Variants in SAMD14 observed in about 807,000 individuals in gnomAD.
The protein encoded by SAMD14 is sterile alpha motif domain-containing protein 14.
SAMD14 carries 27 observed loss-of-function variants against 46.2 expected under a neutral mutation model. The ratio of observed to expected loss-of-function variants is 0.58; its 90% CI spans 0.43 to 0.81. SAMD14 has a LOEUF of 0.81. Among genes scored for constraint, SAMD14 ranks in the 30% least tolerant of loss-of-function variants. SAMD14 has a pLI of 0.00. For missense variants in SAMD14, 559 were observed against 582.2 expected (o/e 0.96, Z 0.41); for synonymous variants, 241 against 254.3 (o/e 0.95, Z 0.50).
In SAMD14 at chr17:50,115,591, G is replaced by T. The variant is rs147739171; in HGVS notation, c.795C>A (p.Gly265=). 341 of 1,573,634 alleles carry T rather than the reference G, an allele frequency of 2.2e-4. 1 individual carries two copies. The East Asian group carries it at 4.5e-3, about 21-fold the overall frequency. The stretch of plus-strand genomic sequence containing the variant: ...GGGAAGCTGACTTCTTAGGGCTGAA[G>T]CCCTCGTGTTTAGGGGAGCAGGTGG... ...TSPTCSPKHE[G]FSPKKSASQE... The change falls in exon 7 of 10, where the codon GGC becomes GGA. Residue 265 remains glycine (G), a synonymous_variant. Transcript: ENST00000330175. This position sits in a 1 kb window ranked among gnomAD's most constrained non-coding sequence, Gnocchi z 5.3.
At chr17:50,123,792 AG>A (rs1458348850) in intron 2 of SAMD14, among the ~76,000 whole-genome samples, 1 of 152,116 alleles carries the variant, frequency 6.6e-6, no homozygotes, top group Non-Finnish European at 1.5e-5. Context: ...TGAGGAAAAC[AG>A]GCAGGGGTTG....
rs1372667314 is a variant in SAMD14 at position 50,117,464 on chromosome 17, A to C, written c.442T>G (p.Ser148Ala). The change falls in exon 4 of 10, where the codon TCC becomes GCC. Residue 148 changes from serine (S) to alanine (A), a missense_variant. Transcript: ENST00000330175. ...SCSPPRSAPS[S>A]DSSPSFVRRH... The stretch of plus-strand genomic sequence containing the variant: ...CGCACGAAGCTGGGGGAGCTGTCGG[A>C]GGAGGGCGCGGAGCGCGGCGGAGAG... 4 of 1,388,092 alleles carry C rather than the reference A, an allele frequency of 2.9e-6. No individual in the cohort carries two copies. The highest frequency in any genetic ancestry group is 3.0e-5 in the African/African-American group (2 of 66,574). The allele number at this position is 1,388,092 out of a possible 1,614,324, so 86.0% of individuals were successfully genotyped here.
chr17:50,125,990 T>G (rs1273126057), intron 1 of SAMD14, among the ~76,000 whole-genome samples: 1 of 152,086 alleles, frequency 6.6e-6, no homozygotes, highest in East Asian at 1.9e-4. Context: ...TGAAACCATT[T>G]GAATAGGCTT....
chr17:50,124,771 G>GCACGCACACACACACACACACA (rs1555563138), intron 2 of SAMD14, 146 bp downstream of exon 2: 1 of 500,056 alleles, frequency 2.0e-6, no homozygotes, highest in African/African-American at 2.1e-5. Context: ...ACGCGCGCGC[G>GCACGCACACACACACACACACA]CACACACACA....
rs1266393698 is a variant in SAMD14 at position 50,118,233 on chromosome 17, T to A, written c.138A>T (p.Pro46=). 1 of 1,613,824 alleles carries A rather than the reference T, an allele frequency of 6.2e-7. No individual in the cohort carries two copies. The highest frequency in any genetic ancestry group is 8.5e-7 in the Non-Finnish European group (1 of 1,179,882). The change falls in exon 3 of 10, where the codon CCA becomes CCT. Residue 46 remains proline (P), a synonymous_variant. Coordinates refer to ENST00000330175, the MANE Select transcript of SAMD14 (RefSeq NM_001257359.2). ...QLLAKGRRHR[P]SRSRLRDSAS... is the part of the protein sequence containing the mutation. The stretch of plus-strand genomic sequence containing the variant: ...CACTGTCCCGAAGCCTGGAGCGGGA[T>A]GGCCGGTGTCTCCGGCCCTTGGCCA...
At chr17:50,128,791 C>T (rs915317216) in intron 1 of SAMD14, among the ~76,000 whole-genome samples, 5 of 152,094 alleles carry the variant, frequency 3.3e-5, no homozygotes, top group African/African-American at 1.2e-4. Context: ...GGAGAGTCCA[C>T]AGGGCTGCTG....
rs1357825361 is a variant in SAMD14 at position 50,111,808 on chromosome 17, A to C, written c.*1085T>G. Reference sequence around the variant, plus strand: ...CAGGCTGCTGGTAAACTCCACCCCCATCCAGGGAGCTGGCCCCAGCCCTCA... The same window carrying C: ...CAGGCTGCTGGTAAACTCCACCCCCCTCCAGGGAGCTGGCCCCAGCCCTCA... On this transcript the variant is annotated 3_prime_UTR_variant, in exon 10 of 10. Transcript: ENST00000330175. 1.3e-5 allele frequency: 2 copies of C among 152,138 alleles called. No homozygotes were observed. The highest frequency in any genetic ancestry group is 2.9e-5 in the Non-Finnish European group (2 of 68,086). The allele number at this position is 152,138 out of a possible 1,614,324, so 9.4% of individuals were successfully genotyped here. A position where few individuals can be genotyped will look rare whatever the true frequency, so the allele number is the denominator to read the frequency against.
chr17:50,124,198 T>C, intron 2 of SAMD14: 1 of 456,150 alleles, frequency 2.2e-6, no homozygotes, highest in Non-Finnish European at 4.4e-6. Context: ...TCTGCCCAGC[T>C]GGGGTGGTTT....
chr17:50,128,294 C>G (rs986056350), intron 1 of SAMD14, among the ~76,000 whole-genome samples: 13 of 152,142 alleles, frequency 8.5e-5, no homozygotes, highest in Non-Finnish European at 1.5e-4. Flanking sequence ...TGATTCAGCA[C>G]AAACTGCTCT....
chr17:50,118,402 C>G lies in SAMD14; in HGVS notation c.44-75G>C, dbSNP rs1911350658. 28 of 1,513,954 alleles carry G rather than the reference C, an allele frequency of 1.8e-5. No homozygotes were observed. The South Asian group carries it at 2.9e-4, about 16-fold the overall frequency. The allele number at this position is 1,513,954 out of a possible 1,614,324, so 93.8% of individuals were successfully genotyped here. A position where few individuals can be genotyped will look rare whatever the true frequency, so the allele number is the denominator to read the frequency against. On this transcript the variant is annotated intron_variant, in intron 2 of 9. Transcript: ENST00000330175. ...CAAGCCCAGAGGCCCACCTCAGGGG[C>G]CACCTGCACCCACACCCCAGGCATT...
At chr17:50,114,969 T>G (rs1450854874) in intron 7 of SAMD14, 1 of 154,418 alleles carries the variant, frequency 6.5e-6, no homozygotes. Context: ...CTCTGGGCCT[T>G]CCTTTGCTCA....
intron 4 of SAMD14, chr17:50,116,397 C>T: frequency 4.9e-6 from 1 of 205,654 alleles, no homozygotes; most frequent in East Asian, 1.2e-4. Flanking sequence ...TTATCCTGGC[C>T]AACTTTTTTT....
intron 2 of SAMD14, among the ~76,000 whole-genome samples, chr17:50,118,965 A>G (rs1911377975): frequency 6.6e-6 from 1 of 152,352 alleles, no homozygotes; most frequent in Admixed American, 6.5e-5. Flanking sequence ...ATGGTCCAGG[A>G]TTTGAGCCTG....
At chr17:50,121,010 C>G (rs1053421612) in intron 2 of SAMD14, among the ~76,000 whole-genome samples, 2 of 152,250 alleles carry the variant, frequency 1.3e-5, no homozygotes, top group African/African-American at 2.4e-5. Flanking sequence ...CAGGTTTCTG[C>G]TTTGTTCACT....
At chr17:50,127,658 A>G (rs546284493) in intron 1 of SAMD14, among the ~76,000 whole-genome samples, 7 of 152,096 alleles carry the variant, frequency 4.6e-5, no homozygotes, top group Non-Finnish European at 1.0e-4. Flanking sequence ...CTGGGGCTGA[A>G]AGCAGAAAAT....
At position 50,112,729 on chromosome 17, in the gene SAMD14, C is replaced by T; in HGVS notation, c.*164G>A. The T allele has an allele frequency of 1.3e-6, 1 of 780,716 alleles. No homozygotes were observed. Among genetic ancestry groups the T allele is most frequent in the Non-Finnish European group, 2.0e-6 (1 of 509,822 alleles). 48.4% of individuals were successfully genotyped at this position (780,716 alleles called of 1,614,324 possible). The stretch of plus-strand genomic sequence containing the variant: ...CCTGGGGTCTCCCTTTCTGGGGTCT[C>T]TGGGTCTAGACCAAGTGACAGGGTA... On this transcript the variant is annotated 3_prime_UTR_variant, in exon 10 of 10. Transcript: ENST00000330175.
At chr17:50,119,150 C>T (rs1172738262) in intron 2 of SAMD14, among the ~76,000 whole-genome samples, 12 of 152,196 alleles carry the variant, frequency 7.9e-5, no homozygotes, top group South Asian at 2.1e-4. Flanking sequence ...CCATAGTCCC[C>T]GAAACCTCTC....
Position 50,114,244 on chromosome 17 carries a change from G to A in SAMD14, c.885C>T (p.Pro295=). 1.2e-6 allele frequency: 2 copies of A among 1,614,138 alleles called. No individual in the cohort carries two copies. The highest frequency in any genetic ancestry group is 1.1e-5 in the South Asian group (1 of 91,092). Residue 295 remains proline, a synonymous_variant, in exon 8 of 10, where the codon CCC becomes CCT. Coordinates refer to ENST00000330175, the MANE Select transcript of SAMD14 (RefSeq NM_001257359.2). The stretch of plus-strand genomic sequence containing the variant: ...GGTAAGAACATTTGGCCTCCTGCCA[G>A]GGCCCACTGGGGATCTTGGGGCTGC... ...PSSSPKIPSG[P]WQEAKCSYPY...
Position 50,111,386 on chromosome 17 carries a change from CA to C in SAMD14, c.*1506del, listed in dbSNP as rs1567716056. On this transcript the variant is annotated 3_prime_UTR_variant, in exon 10 of 10. Transcript: ENST00000330175. ...TCCCCTTCACATGCAGGTGGGCACCCACTATAGCTACTGATGGCTTTAAGGA... is the reference window on the plus strand; with the variant it reads ...TCCCCTTCACATGCAGGTGGGCACCCCTATAGCTACTGATGGCTTTAAGGA... 1.3e-5 allele frequency: 2 copies of C among 152,276 alleles called. No homozygotes were observed. 9.4% of individuals were successfully genotyped at this position (152,276 alleles called of 1,614,324 possible).
Sources: gnomAD v4.1 joint callset for allele counts (sites outside exome capture counted in the v4.1 genomes callset) on GRCh38, gnomAD v4.1.1 for gene constraint, Gnocchi (gnomAD v3.1) non-coding constraint, MANE v1.5 for transcripts, NCBI Gene and HGNC (gene_info 2026-07-23, HGNC 2026-07-21) for gene names.